CPXM2: variants seen among roughly 807,000 people sequenced by gnomAD.
CPXM2 encodes the protein carboxypeptidase X, M14 family member 2, also known as inactive carboxypeptidase-like protein X2.
In CPXM2, 66 loss-of-function variants were observed where a neutral mutation model predicts 86.1. That is an observed-to-expected ratio of 0.77 (90% CI 0.63 to 0.94). The LOEUF is 0.94. Ranked by LOEUF, CPXM2 falls within the 40% of genes least tolerant of loss-of-function variation. The pLI, the probability that CPXM2 is intolerant of heterozygous loss-of-function variation, is 0.00. For synonymous variants in CPXM2, 388 were observed against 400.2 expected (o/e 0.97, Z 0.36); for missense variants, 948 against 1,026.3 (o/e 0.92, Z 1.04).
intron 3 of CPXM2, chr10:123,843,130 T>A: frequency 3.1e-6 from 1 of 323,024 alleles, no homozygotes. Context: ...CTTTTTTTTT[T>A]TTTCAGAGAT....
intron 7 of CPXM2, chr10:123,777,095 G>A (rs1846810760): frequency 6.6e-6 from 1 of 152,256 alleles, no homozygotes; most frequent in South Asian, 2.1e-4. Context: ...GCTCCGCCCT[G>A]GCTTCCTGTC....
At chr10:123,940,701 G>A (rs141336583), upstream of CPXM2, among the ~76,000 whole-genome samples, 13 of 152,318 alleles carry the variant, frequency 8.5e-5, 1 homozygote, top group East Asian at 2.5e-3. Flanking sequence ...TGGAGTGGGT[G>A]GAAAACAGCA....
At chr10:123,905,860 A>G (rs1267808522) in intron 2 of CPXM2, among the ~76,000 whole-genome samples, 1 of 151,440 alleles carries the variant, frequency 6.6e-6, no homozygotes, top group African/African-American at 2.4e-5. Flanking sequence ...TGCCTTTGCC[A>G]TCTCCCCCTC....
chr10:123,749,978 G>T (rs374819717), intron 13 of CPXM2: 2,127 of 121,428 alleles, frequency 0.018, 27 homozygotes, highest in Middle Eastern at 0.042. Flanking sequence ...GCTAATTTTT[G>T]TTTTTTTTTT....
intron 2 of CPXM2, among the ~76,000 whole-genome samples, chr10:123,898,365 G>A (rs1945354976): frequency 1.3e-5 from 2 of 152,204 alleles, no homozygotes; most frequent in Admixed American, 1.3e-4. Context: ...GAGGCAAGAA[G>A]ATCGCTTAAG....
chr10:123,892,302 G>C (rs561686579), upstream of CPXM2, among the ~76,000 whole-genome samples: 103 of 152,226 alleles, frequency 6.8e-4, no homozygotes, highest in African/African-American at 2.4e-3. Flanking sequence ...AGTTCCCTGG[G>C]AGCAGGGCCT....
chr10:123,878,260 C>T (rs1461633700), intron 2 of CPXM2, among the ~76,000 whole-genome samples: 1 of 151,542 alleles, frequency 6.6e-6, no homozygotes. Context: ...GCTGCTTTTC[C>T]CCTCCAAGGT....
At chr10:123,823,234 T>A (rs1590038682) in intron 4 of CPXM2, among the ~76,000 whole-genome samples, 1 of 151,814 alleles carries the variant, frequency 6.6e-6, no homozygotes, top group African/African-American at 2.4e-5. Flanking sequence ...AGGAGAGAGG[T>A]GAAAAGAATT....
At chr10:123,886,176 A>G (rs898415900) in intron 1 of CPXM2, among the ~76,000 whole-genome samples, 8 of 152,232 alleles carry the variant, frequency 5.3e-5, no homozygotes, top group African/African-American at 1.9e-4. Flanking sequence ...AAGTAAGCAT[A>G]TAATTTGACA....
intron 4 of CPXM2, among the ~76,000 whole-genome samples, chr10:123,819,658 G>C (rs546532121): frequency 7.5e-4 from 114 of 152,274 alleles, no homozygotes; most frequent in African/African-American, 2.7e-3. Context: ...ATTTGGGCTG[G>C]GGATTGGTGC....
At position 123,768,535 on chromosome 10, in the gene CPXM2, G is replaced by C. The variant is rs149261159; in HGVS notation, c.1290C>G (p.Ala430=). 6.2e-7 allele frequency: 1 copy of C among 1,613,020 alleles called. No homozygotes were observed. Among genetic ancestry groups the C allele is most frequent in the African/African-American group, 1.3e-5 (1 of 74,922 alleles). The change falls in exon 9 of 14, where the codon GCC becomes GCG. Residue 430 remains alanine (A), a synonymous_variant. Transcript: ENST00000241305. ...GGGCCAGGGCCATTACCCCTTCGTA[G>C]GCCTTCTCGTAGCCATCGGGGTTGA... The part of the protein sequence containing the change: ...PSLNPDGYEK[A]YEGGSELGGW...
At chr10:123,890,489 T>C (rs1353415559) in intron 1 of CPXM2, among the ~76,000 whole-genome samples, 3 of 152,184 alleles carry the variant, frequency 2.0e-5, no homozygotes, top group Admixed American at 1.3e-4. Flanking sequence ...CCCGCACGTA[T>C]CTCCTTTCAG....
intron 6 of CPXM2, among the ~76,000 whole-genome samples, chr10:123,786,098 A>T (rs1180131120): frequency 6.6e-6 from 1 of 152,198 alleles, no homozygotes. Context: ...GCTAGATATG[A>T]CCTACATTTG....
intron 3 of CPXM2, among the ~76,000 whole-genome samples, chr10:123,847,532 A>T (rs1360392149): frequency 6.6e-6 from 1 of 152,142 alleles, no homozygotes; most frequent in Non-Finnish European, 1.5e-5. Context: ...TCTCAAAAAA[A>T]AAAGAAAAAG....
intron 4 of CPXM2, among the ~76,000 whole-genome samples, chr10:123,822,044 G>C (rs1209955815): frequency 6.6e-6 from 1 of 152,220 alleles, no homozygotes; most frequent in East Asian, 1.9e-4. Flanking sequence ...TTGCCTAAAA[G>C]AGCAGGAAGG....
chr10:123,775,593 A>G (rs1324998345), intron 7 of CPXM2, among the ~76,000 whole-genome samples: 1 of 152,250 alleles, frequency 6.6e-6, no homozygotes, highest in African/African-American at 2.4e-5. Context: ...GCCACGAGCC[A>G]TCAGAATGAC....
intron 4 of CPXM2, among the ~76,000 whole-genome samples, chr10:123,812,088 G>T (rs1847706480): frequency 6.6e-6 from 1 of 152,084 alleles, no homozygotes; most frequent in Non-Finnish European, 1.5e-5. Context: ...GGACTGCTTT[G>T]TACACATGAT....
chr10:123,843,850 G>A lies in CPXM2; in HGVS notation c.514-1362C>T, dbSNP rs72827466. On this transcript the variant is annotated intron_variant, in intron 3 of 13. Transcript: ENST00000241305. ...CAGAGAAGAATAGAACTGCCACATAGCCTGAGACATGTACCCTATAGAATC... is the reference window on the plus strand; with the variant it reads ...CAGAGAAGAATAGAACTGCCACATAACCTGAGACATGTACCCTATAGAATC... Among the ~76,000 whole-genome samples the A allele has an allele frequency of 3.9e-3, 600 of 152,268 alleles. 4 individuals are homozygous for A. The highest frequency in any genetic ancestry group is 7.2e-3 in the Non-Finnish European group (493 of 68,026).
intron 3 of CPXM2, among the ~76,000 whole-genome samples, chr10:123,847,803 GTAT>G: frequency 6.6e-6 from 1 of 152,242 alleles, no homozygotes; most frequent in African/African-American, 2.4e-5. Context: ...TACGTGCTAG[GTAT>G]TATGCAAAGG....
Sources: allele counts gnomAD v4.1 joint callset (sites outside exome capture counted in the v4.1 genomes callset), GRCh38; gene constraint gnomAD v4.1.1; transcripts MANE v1.5; gene names NCBI Gene and HGNC (gene_info 2026-07-23, HGNC 2026-07-21).